The following EPB41L2 variants were observed in gnomAD, a reference collection of about 807,000 sequenced individuals.
EPB41L2 encodes erythrocyte membrane protein band 4.1 like 2.
A neutral mutation model predicts 113.0 loss-of-function variants in EPB41L2; 43 were observed. That is an observed-to-expected ratio of 0.38 (90% confidence interval 0.30 to 0.49). The LOEUF (loss-of-function observed/expected upper bound fraction) is 0.49, where lower values mean the gene tolerates loss of function less well. Ranked by LOEUF, EPB41L2 falls within the 20% of genes least tolerant of loss-of-function variation. The probability of loss-of-function intolerance (pLI) is 0.95; values close to 1 mark genes in which losing one functional copy is unlikely to be tolerated. For missense variants in EPB41L2, 1,147 were observed against 1,223.4 expected (o/e 0.94, Z 0.93); for synonymous variants, 442 against 436.7 (o/e 1.01, Z -0.15).
chr6:130,867,797 G>A, intron 15 of EPB41L2: 1 of 515,542 alleles, frequency 1.9e-6, no homozygotes, highest in Non-Finnish European at 3.5e-6. Context: ...TGTGCACATA[G>A]ATACGTACAT....
chr6:131,002,492 G>A (rs1328536315), intron 1 of EPB41L2, among the ~76,000 whole-genome samples: 5 of 152,244 alleles, frequency 3.3e-5, no homozygotes, highest in Admixed American at 1.3e-4. Context: ...AATAAATGCC[G>A]TAAGTCTGTG....
At chr6:131,008,870 C>T (rs1219520211) in intron 1 of EPB41L2, among the ~76,000 whole-genome samples, 4 of 152,188 alleles carry the variant, frequency 2.6e-5, no homozygotes, top group Non-Finnish European at 5.9e-5. Flanking sequence ...TGCCTGTACC[C>T]CCATTTTATC....
chr6:130,843,186 G>A (rs1776033942), intron 19 of EPB41L2, among the ~76,000 whole-genome samples: 1 of 152,162 alleles, frequency 6.6e-6, no homozygotes, highest in Admixed American at 6.5e-5. Context: ...TAAACAGTTA[G>A]CTTTTGAGCT....
chr6:131,044,969 T>C lies in EPB41L2; in HGVS notation c.-15+18186A>G, dbSNP rs192234909. 2.2e-4 allele frequency among the ~76,000 whole-genome samples: 33 copies of C among 152,252 alleles called. No homozygotes were observed. The South Asian group carries it at 2.7e-3, about 12-fold the overall frequency. ...TGTTTCTGTTATTCATACATATATA[T>C]ACATATACACACATCCATACTGAAT... On this transcript the variant is annotated intron_variant, in intron 1 of 19. Transcript: ENST00000337057.
chr6:130,887,885 C>G (rs1212372636), intron 11 of EPB41L2, among the ~76,000 whole-genome samples: 1 of 152,104 alleles, frequency 6.6e-6, no homozygotes, highest in African/African-American at 2.4e-5. Flanking sequence ...ACTGATTTGT[C>G]TTCTTTGGGG....
chr6:130,887,561 G>A (rs1055907228), intron 11 of EPB41L2, among the ~76,000 whole-genome samples: 5 of 152,246 alleles, frequency 3.3e-5, no homozygotes, highest in South Asian at 2.1e-4. Context: ...TACCTCTCCC[G>A]CCACTTCCTA....
At position 131,037,488 on chromosome 6, in the gene EPB41L2, C is replaced by A. The variant is rs1793567725; in HGVS notation, c.-15+25667G>T. Among the ~76,000 whole-genome samples, 5 of 150,026 alleles carry A rather than the reference C, an allele frequency of 3.3e-5. No homozygotes were observed. The South Asian group carries it at 1.1e-3, about 32-fold the overall frequency. On this transcript the variant is annotated intron_variant, in intron 1 of 19. Coordinates refer to ENST00000337057, the MANE Select transcript of EPB41L2 (RefSeq NM_001431.4). Reference sequence around the variant, plus strand: ...AAAGCATATAAATGCTTATAAAATGCTTTAAGAAAATAAAACTGAAAAAAT... The same window carrying A: ...AAAGCATATAAATGCTTATAAAATGATTTAAGAAAATAAAACTGAAAAAAT...
At chr6:131,033,067 G>T (rs1404030960) in intron 1 of EPB41L2, among the ~76,000 whole-genome samples, 1 of 152,052 alleles carries the variant, frequency 6.6e-6, no homozygotes, top group African/African-American at 2.4e-5. Context: ...GTAGAGACAG[G>T]GTTTCACCAT....
At chr6:131,046,194 A>G (rs1316189959) in intron 1 of EPB41L2, among the ~76,000 whole-genome samples, 1 of 151,600 alleles carries the variant, frequency 6.6e-6, no homozygotes, top group African/African-American at 2.4e-5. Context: ...TGCTAGGATT[A>G]CAGATACGAG....
chr6:131,058,484 G>A (rs1340278595), intron 1 of EPB41L2, among the ~76,000 whole-genome samples: 1 of 152,004 alleles, frequency 6.6e-6, no homozygotes, highest in Non-Finnish European at 1.5e-5. Context: ...AAACATTACC[G>A]ACATGATATT....
intron 1 of EPB41L2, among the ~76,000 whole-genome samples, chr6:131,005,956 A>T (rs933676135): frequency 6.6e-6 from 1 of 152,120 alleles, no homozygotes; most frequent in African/African-American, 2.4e-5. Flanking sequence ...CTGACAGCAG[A>T]TAGCCTCAGC....
At chr6:130,899,408 C>A in intron 8 of EPB41L2, 83 bp downstream of exon 8, 1 of 1,058,592 alleles carries the variant, frequency 9.4e-7, no homozygotes, top group Non-Finnish European at 1.4e-6. Context: ...CAAAAATAAG[C>A]TGTGCTATCC....
chr6:130,928,877 G>A (rs985170865), intron 3 of EPB41L2, among the ~76,000 whole-genome samples: 1 of 152,328 alleles, frequency 6.6e-6, no homozygotes, highest in South Asian at 2.1e-4. Flanking sequence ...CAGAGCTCAC[G>A]TGAGAATAAA....
intron 1 of EPB41L2, among the ~76,000 whole-genome samples, chr6:131,042,112 G>A (rs979677538): frequency 6.6e-6 from 1 of 152,074 alleles, no homozygotes; most frequent in Non-Finnish European, 1.5e-5. Flanking sequence ...TTGGAAGGCG[G>A]GTACGTGGGG....
intron 1 of EPB41L2, among the ~76,000 whole-genome samples, chr6:131,028,155 A>T (rs1791286674): frequency 6.6e-6 from 1 of 152,248 alleles, no homozygotes; most frequent in South Asian, 2.1e-4. Context: ...CAACATCAGG[A>T]TTACCGACAC....
chr6:130,956,212 C>A lies in EPB41L2; in HGVS notation c.274G>T (p.Val92Leu). ...LKKQKSYTLV[V>L]AKDGGDKKEP... ...TTTTTATCTCCTCCATCTTTGGCCA[C>A]TACTAAGGTATATGACTTTTGCTTC... The change falls in exon 2 of 20, where the codon GTG (valine) becomes TTG (leucine). Residue 92 changes from valine to leucine, a missense_variant. Val to Leu is a conservative substitution (Grantham distance 32). Coordinates refer to ENST00000337057, the MANE Select transcript of EPB41L2 (RefSeq NM_001431.4). 1 of 1,614,172 alleles carries A rather than the reference C, an allele frequency of 6.2e-7. No individual in the cohort carries two copies.
intron 14 of EPB41L2, chr6:130,872,426 C>T: frequency 7.8e-7 from 1 of 1,289,370 alleles, no homozygotes; most frequent in Non-Finnish European, 1.0e-6. Context: ...TGCATTAGCG[C>T]TCACAACAGC....
At chr6:130,990,245 T>G (rs1781504360) in intron 1 of EPB41L2, among the ~76,000 whole-genome samples, 2 of 151,428 alleles carry the variant, frequency 1.3e-5, no homozygotes, top group African/African-American at 4.9e-5. Context: ...CGCTGGAACC[T>G]GGGAGGCAGA....
chr6:130,890,157 G>T, intron 11 of EPB41L2, 137 bp downstream of exon 11: 2 of 810,604 alleles, frequency 2.5e-6, no homozygotes, highest in Non-Finnish European at 3.6e-6. Flanking sequence ...GTAAGTAATA[G>T]CATTTTATTT....
Sources: allele counts gnomAD v4.1 joint callset (sites outside exome capture counted in the v4.1 genomes callset), GRCh38; gene constraint gnomAD v4.1.1; transcripts MANE v1.5; gene names NCBI Gene and HGNC (gene_info 2026-07-23, HGNC 2026-07-21).